Variants in CTSF observed in about 807,000 individuals in gnomAD.
CTSF encodes cathepsin F.
Under a neutral mutation model 63.5 loss-of-function variants are expected in CTSF, and 65 were observed. The observed-to-expected ratio is 1.02, with a 90% CI of 0.84 to 1.26. CTSF has a LOEUF of 1.26. CTSF is among the 50% of genes most tolerant of loss of function. CTSF has a pLI of 0.00. For synonymous variants in CTSF, 256 were observed against 258.1 expected (o/e 0.99, Z 0.08); for missense variants, 641 against 631.0 (o/e 1.02, Z -0.17).
At chr11:66,564,040 G>C (rs1204716042) in intron 12 of CTSF, 33 bp from the exon 13 acceptor site, 1 of 1,613,900 alleles carries the variant, frequency 6.2e-7, no homozygotes, top group Non-Finnish European at 8.5e-7. Context: ...GAGGGCACCA[G>C]GGTAGGATGG....
chr11:66,568,541 G>A lies in CTSF; in HGVS notation c.-55C>T, dbSNP rs965997685. On this transcript the variant is annotated 5_prime_UTR_variant, in exon 1 of 13. Transcript: ENST00000310325. ...AACAGACGCTCCACCGACCCACCGGGTACCGAGCCCGCGGCCAGCGGGGCC... is the reference window on the plus strand; with the variant it reads ...AACAGACGCTCCACCGACCCACCGGATACCGAGCCCGCGGCCAGCGGGGCC... 12 of 1,464,150 alleles carry A rather than the reference G, an allele frequency of 8.2e-6. No homozygotes were observed. Among genetic ancestry groups the A allele is most frequent in the South Asian group, 6.5e-5 (5 of 77,190 alleles). 90.7% of individuals were successfully genotyped at this position (1,464,150 alleles called of 1,614,324 possible).
chr11:66,563,702 ATCC>A lies in CTSF; in HGVS notation c.*228_*230del, dbSNP rs1223659261. On this transcript the variant is annotated 3_prime_UTR_variant, in exon 13 of 13. Transcript: ENST00000310325. The stretch of plus-strand genomic sequence containing the variant: ...CCAAGATACCACCCTTCACCCCGAC[ATCC>A]TCCTAAGCTACCACAATTCAACAAA... 5 of 604,182 alleles carry A rather than the reference ATCC, an allele frequency of 8.3e-6. No individual in the cohort carries two copies. The highest frequency in any genetic ancestry group is 1.5e-5 in the Non-Finnish European group (5 of 343,576). 37.4% of individuals were successfully genotyped at this position (604,182 alleles called of 1,614,324 possible). A position where few individuals can be genotyped will look rare whatever the true frequency, so the allele number is the denominator to read the frequency against.
intron 11 of CTSF, 152 bp from the exon 12 acceptor site, chr11:66,564,298 A>C: frequency 9.7e-7 from 1 of 1,027,154 alleles, no homozygotes; most frequent in Non-Finnish European, 1.4e-6. Context: ...TACCAGCCTC[A>C]GGGAGAAGCC....
rs777872865 is a variant in CTSF at position 66,567,329 on chromosome 11, G to A, written c.532-8C>T. 2.5e-6 allele frequency: 4 copies of A among 1,614,070 alleles called. No homozygotes were observed. Among genetic ancestry groups the A allele is most frequent in the Non-Finnish European group, 3.4e-6 (4 of 1,180,024 alleles). ...CATCTTCACAGGCAAGTCCTGGATA[G>A]GCAGACCAGTCTTTAGGCTGACCAG... On this transcript the variant is annotated splice_polypyrimidine_tract_variant and splice_region_variant and intron_variant, in intron 3 of 12. Transcript: ENST00000310325.
intron 11 of CTSF, 112 bp downstream of exon 11, chr11:66,564,446 A>G (rs948742348): frequency 9.9e-7 from 1 of 1,013,784 alleles, no homozygotes; most frequent in Non-Finnish European, 1.4e-6. Context: ...GGCAGTGGGT[A>G]AGGACAGGGT....
Position 66,563,866 on chromosome 11 carries a change from G to A in CTSF, c.*67C>T, listed in dbSNP as rs903225484. On this transcript the variant is annotated 3_prime_UTR_variant, in exon 13 of 13. Coordinates refer to ENST00000310325, the MANE Select transcript of CTSF (RefSeq NM_003793.4). ...AGCTGTACCTCCCGGGGAGGGGCCT[G>A]GACACATGTCAGGCTGGGGCAGCAG... 3 of 1,592,410 alleles carry A rather than the reference G, an allele frequency of 1.9e-6. No homozygotes were observed. Among genetic ancestry groups the A allele is most frequent in the African/African-American group, 2.7e-5 (2 of 74,294 alleles).
intron 8 of CTSF, among the ~76,000 whole-genome samples, chr11:66,565,228 A>G (rs973002752): frequency 2.6e-5 from 4 of 152,104 alleles, no homozygotes; most frequent in African/African-American, 9.7e-5. Flanking sequence ...CAGAGACAGA[A>G]CTCAACTCCA....
intron 2 of CTSF, 50 bp from the exon 3 acceptor site, chr11:66,567,712 G>A (rs1469105985): frequency 3.2e-6 from 5 of 1,578,310 alleles, no homozygotes; most frequent in Non-Finnish European, 4.3e-6. Context: ...TGGATCTGGG[G>A]AGCAAGATCT....
chr11:66,564,534 T>A, intron 11 of CTSF, 24 bp downstream of exon 11: 1 of 1,526,720 alleles, frequency 6.5e-7, no homozygotes, highest in Non-Finnish European at 8.8e-7. Context: ...CCTGGCTGGA[T>A]GCAGGACAGG....
chr11:66,567,424 T>A lies in CTSF; in HGVS notation c.531+20A>T. Reference sequence around the variant, plus strand: ...GCTGGCTCCTCAAGCTGAGGGCTCCTCAAGCTGAGGGCTCCTCACCTGGGA... The same window carrying A: ...GCTGGCTCCTCAAGCTGAGGGCTCCACAAGCTGAGGGCTCCTCACCTGGGA... On this transcript the variant is annotated intron_variant, in intron 3 of 12. Coordinates refer to ENST00000310325, the MANE Select transcript of CTSF (RefSeq NM_003793.4). The A allele has an allele frequency of 6.2e-7, 1 of 1,613,844 alleles. No individual in the cohort carries two copies. The highest frequency in any genetic ancestry group is 8.5e-7 in the Non-Finnish European group (1 of 1,179,826).
intron 4 of CTSF, 135 bp downstream of exon 4, chr11:66,567,111 G>C: frequency 1.1e-6 from 1 of 892,222 alleles, no homozygotes; most frequent in Non-Finnish European, 1.8e-6. Flanking sequence ...GAAGGCTTAG[G>C]GAGAGCTCAG....
chr11:66,564,650 T>A lies in CTSF; in HGVS notation c.1231-2A>T. The A allele has an allele frequency of 6.2e-7, 1 of 1,611,650 alleles. No homozygotes were observed. The highest frequency in any genetic ancestry group is 8.5e-7 in the Non-Finnish European group (1 of 1,178,906). ...GCGGGAGATCCCGTGGCGGTAAAAC[T>A]GGAGGTGGAGAAGGAGTAGGGGATC... On this transcript the variant is annotated splice_acceptor_variant, in intron 10 of 12. Transcript: ENST00000310325. LOFTEE classifies it high-confidence loss of function.
Position 66,567,585 on chromosome 11 carries a change from C to G in CTSF, c.390G>C (p.Lys130Asn). 6.2e-7 allele frequency: 1 copy of G among 1,614,222 alleles called. No homozygotes were observed. The highest frequency in any genetic ancestry group is 8.5e-7 in the Non-Finnish European group (1 of 1,180,042). The change falls in exon 3 of 13, where the codon AAG (lysine) becomes AAC (asparagine). Residue 130 changes from lysine (K) to asparagine (N), a missense_variant. Coordinates refer to ENST00000310325, the MANE Select transcript of CTSF (RefSeq NM_003793.4). The stretch of plus-strand genomic sequence containing the variant: ...ACTTGGGCTCCCCAGCACCTGGAAC[C>G]TTGGTGTCCACTGGGCCACAGTCCT... The part of the protein sequence containing the change: ...LRKDCGPVDT[K>N]VPGAGEPKSA...
chr11:66,563,592 G>A lies in CTSF; in HGVS notation c.*341C>T, dbSNP rs145799081. ...TATAGTATCAAACAGAGGAAAGCGGGGGCAGAACAGAGCTGGGCTTAAGAT... is the reference window on the plus strand; with the variant it reads ...TATAGTATCAAACAGAGGAAAGCGGAGGCAGAACAGAGCTGGGCTTAAGAT... On this transcript the variant is annotated 3_prime_UTR_variant, in exon 13 of 13. Transcript: ENST00000310325. 9.2e-5 allele frequency: 46 copies of A among 500,910 alleles called. No homozygotes were observed. The highest frequency in any genetic ancestry group is 1.6e-4 in the Non-Finnish European group (45 of 279,450). 31.0% of individuals were successfully genotyped at this position (500,910 alleles called of 1,614,324 possible).
In CTSF at chr11:66,567,624, G is replaced by T. The variant is rs112809338; in HGVS notation, c.351C>A (p.His117Gln). The change falls in exon 3 of 13, where the codon CAC becomes CAA. Residue 117 changes from histidine (H) to glutamine (Q), a missense_variant. Transcript: ENST00000310325. Reference sequence around the variant, plus strand: ...GGCCACAGTCCTTCCGCAGCAGCACGTGTCTTCCGAGCTCATCCAGGACTT... The same window carrying T: ...GGCCACAGTCCTTCCGCAGCAGCACTTGTCTTCCGAGCTCATCCAGGACTT... The part of the protein sequence containing the change: ...SFQVLDELGR[H>Q]VLLRKDCGPV... 1.2e-6 allele frequency: 2 copies of T among 1,614,146 alleles called. No homozygotes were observed. The highest frequency in any genetic ancestry group is 2.2e-5 in the East Asian group (1 of 44,878).
At chr11:66,567,890 C>G in intron 2 of CTSF, 94 bp downstream of exon 2, 1 of 1,471,710 alleles carries the variant, frequency 6.8e-7, no homozygotes, top group Non-Finnish European at 9.2e-7. Flanking sequence ...GCAGCAGCTA[C>G]CTCAGATCCC....
In CTSF at chr11:66,564,077, G is replaced by A. The variant is rs954116285; in HGVS notation, c.1380+11C>T. 1 of 1,613,614 alleles carries A rather than the reference G, an allele frequency of 6.2e-7. No individual in the cohort carries two copies. The highest frequency in any genetic ancestry group is 1.3e-5 in the African/African-American group (1 of 74,932). On this transcript the variant is annotated intron_variant, in intron 12 of 12. Transcript: ENST00000310325. ...GGCTGGAGGGCCAGGGGCCAAGCCAGCAAGACTCACCTTCTCACCCCAGTC... is the reference window on the plus strand; with the variant it reads ...GGCTGGAGGGCCAGGGGCCAAGCCAACAAGACTCACCTTCTCACCCCAGTC...
Position 66,563,753 on chromosome 11 carries a change from G to T in CTSF, c.*180C>A. The T allele has an allele frequency of 4.3e-6, 3 of 693,878 alleles. No individual in the cohort carries two copies. The highest frequency in any genetic ancestry group is 1.9e-5 in the South Asian group (1 of 53,428). The allele number at this position is 693,878 out of a possible 1,614,324, so 43.0% of individuals were successfully genotyped here. ...AAAGGTGCAGGTGCAGAACTTCAGG[G>T]TGGGAATGGGGTGCAGGGAAGCAGG... On this transcript the variant is annotated 3_prime_UTR_variant, in exon 13 of 13. Coordinates refer to ENST00000310325, the MANE Select transcript of CTSF (RefSeq NM_003793.4).
rs768131664 is a variant in CTSF at position 66,564,540 on chromosome 11, A to G, written c.1321+18T>C. 6 of 1,534,388 alleles carry G rather than the reference A, an allele frequency of 3.9e-6. No individual in the cohort carries two copies. The highest frequency in any genetic ancestry group is 5.3e-6 in the Non-Finnish European group (6 of 1,137,270). On this transcript the variant is annotated intron_variant, in intron 11 of 12. Transcript: ENST00000310325. ...TGCCTGTGGCCTGGCTGGATGCAGG[A>G]CAGGCAGCGGAACTCACGGTTGCCG...
Sources: allele counts gnomAD v4.1 joint callset (sites outside exome capture counted in the v4.1 genomes callset), GRCh38; gene constraint gnomAD v4.1.1; transcripts MANE v1.5; gene names NCBI Gene and HGNC (gene_info 2026-07-23, HGNC 2026-07-21).